Variants in SPRY4 observed in about 807,000 individuals in gnomAD.
SPRY4 encodes the protein sprouty RTK signaling antagonist 4.
SPRY4 carries 7 observed loss-of-function variants against 17.0 expected under a neutral mutation model. The ratio of observed to expected loss-of-function variants is 0.41; its 90% CI spans 0.23 to 0.77. The LOEUF (loss-of-function observed/expected upper bound fraction) is 0.77. Ranked by LOEUF, SPRY4 falls within the 30% of genes least tolerant of loss-of-function variation. The pLI is 0.32. For missense variants in SPRY4, 435 were observed against 419.9 expected, an observed-to-expected ratio of 1.04 and a Z score of -0.31; for synonymous variants, 183 against 174.1, an observed-to-expected ratio of 1.05 and a Z score of -0.40.
At chr5:142,316,946 T>A (rs1759173714) in intron 1 of SPRY4, 1 of 973,564 alleles carries the variant, frequency 1.0e-6, no homozygotes, top group Non-Finnish European at 1.2e-6. Flanking sequence ...TTACACGCCT[T>A]GTTTTTCCTG....
chr5:142,320,782 C>T (rs1759320198), intron 1 of SPRY4, among the ~76,000 whole-genome samples: 1 of 152,162 alleles, frequency 6.6e-6, no homozygotes, highest in African/African-American at 2.4e-5. Context: ...TATTTGTCTT[C>T]TTACCCTCCA....
rs1342354588 is a variant in SPRY4 at position 142,310,499 on chromosome 5, CTTGT to C, written c.*3706_*3709del. 6.6e-6 allele frequency: 1 copy of C among 152,516 alleles called. No individual in the cohort carries two copies. Among genetic ancestry groups the C allele is most frequent in the Admixed American group, 6.6e-5 (1 of 15,264 alleles). 9.4% of individuals were successfully genotyped at this position (152,516 alleles called of 1,614,324 possible). ...CTAAATCAGTACATTCAGTTTTTAA[CTTGT>C]TTTTTTCTTCACAAACAGAAGAACT... is the stretch of plus-strand genomic sequence containing the variant. On this transcript the variant is annotated 3_prime_UTR_variant, in exon 2 of 2. Transcript: ENST00000434127.
rs1009650743 is a variant in SPRY4 at position 142,318,180 on chromosome 5, A to G, written c.-47-3025T>C. 1.4e-5 allele frequency: 14 copies of G among 984,422 alleles called. No individual in the cohort carries two copies. In the East Asian group the frequency reaches 6.8e-4, roughly 48 times the overall value. The allele number at this position is 984,422 out of a possible 1,614,324, so 61.0% of individuals were successfully genotyped here. On this transcript the variant is annotated intron_variant, in intron 1 of 1. Coordinates refer to ENST00000434127, the MANE Select transcript of SPRY4 (RefSeq NM_001127496.3). Reference sequence around the variant, plus strand: ...TAAATGATGTCTCAAAAAAAAAAAGAAAGAAAAAAAGAAAAGAAAGAAGGC... The same window carrying G: ...TAAATGATGTCTCAAAAAAAAAAAGGAAGAAAAAAAGAAAAGAAAGAAGGC...
rs775369538 is a variant in SPRY4, at chr5:142,315,130, T to C, written c.-22A>G. 1.2e-6 allele frequency: 2 copies of C among 1,600,648 alleles called. No homozygotes were observed. Among genetic ancestry groups the C allele is most frequent in the Non-Finnish European group, 1.7e-6 (2 of 1,177,582 alleles). On this transcript the variant is annotated 5_prime_UTR_variant, in exon 2 of 2. Coordinates refer to ENST00000434127, the MANE Select transcript of SPRY4 (RefSeq NM_001127496.3). ...CCATGGGGCTGGAGGTCCTGGACTG[T>C]ACGGAGAAACAGGCTTCTAGGGGCC...
chr5:142,322,338 G>C (rs1759370123), intron 1 of SPRY4, among the ~76,000 whole-genome samples: 1 of 152,036 alleles, frequency 6.6e-6, no homozygotes, highest in African/African-American at 2.4e-5. Context: ...GGGTGTGGTG[G>C]CACACACCTG....
intron 1 of SPRY4, among the ~76,000 whole-genome samples, chr5:142,320,386 C>G (rs935235837): frequency 3.3e-5 from 5 of 151,618 alleles, no homozygotes; most frequent in Admixed American, 6.6e-5. Flanking sequence ...CACAATCTGT[C>G]AGAGATCACA....
At chr5:142,317,273 C>T (rs1458314718) in intron 1 of SPRY4, 1 of 985,442 alleles carries the variant, frequency 1.0e-6, no homozygotes, top group Non-Finnish European at 1.2e-6. Context: ...CAAAGCCTTG[C>T]TTCTAGAATA....
intron 1 of SPRY4, among the ~76,000 whole-genome samples, chr5:142,319,235 G>A (rs1469064382): frequency 6.6e-6 from 1 of 152,156 alleles, no homozygotes; most frequent in Non-Finnish European, 1.5e-5. Context: ...GCTCTGCAAT[G>A]CAACCAACAG....
intron 1 of SPRY4, chr5:142,318,253 G>T: frequency 2.3e-6 from 2 of 881,040 alleles, no homozygotes; most frequent in Non-Finnish European, 2.7e-6. Context: ...GGGAGGCCAA[G>T]GTAGGCAGAT....
chr5:142,321,687 T>G (rs573176957), intron 1 of SPRY4, among the ~76,000 whole-genome samples: 1 of 152,354 alleles, frequency 6.6e-6, no homozygotes, highest in East Asian at 1.9e-4. Context: ...AGAGGCCAGA[T>G]GACAAACACT....
Position 142,314,514 on chromosome 5 carries a change from A to G in SPRY4, c.595T>C (p.Cys199Arg). 1 of 1,614,190 alleles carries G rather than the reference A, an allele frequency of 6.2e-7. No homozygotes were observed. The highest frequency in any genetic ancestry group is 8.5e-7 in the Non-Finnish European group (1 of 1,180,024). The change falls in exon 2 of 2, where the codon TGC becomes CGC. Residue 199 changes from cysteine (C) to arginine (R), a missense_variant. Coordinates refer to ENST00000434127, the MANE Select transcript of SPRY4 (RefSeq NM_001127496.3). This position sits in a 1 kb window ranked among gnomAD's most constrained non-coding sequence, Gnocchi z 4.8. ...SAQTLVNYGT[C>R]MCLVQGIFYH... ...AAGATGCCCTGCACCAAACACATGCACGTGCCATAGTTGACCAGAGTCTGG... is the reference window on the plus strand; with the variant it reads ...AAGATGCCCTGCACCAAACACATGCGCGTGCCATAGTTGACCAGAGTCTGG...
intron 1 of SPRY4, chr5:142,318,052 C>T: frequency 1.0e-6 from 1 of 985,384 alleles, no homozygotes; most frequent in Non-Finnish European, 1.2e-6. Context: ...GCTGGCCTCA[C>T]CCCTCACCAG....
intron 1 of SPRY4, among the ~76,000 whole-genome samples, chr5:142,322,657 G>T (rs973609336): frequency 2.0e-5 from 3 of 152,034 alleles, no homozygotes; most frequent in Middle Eastern, 3.2e-3. Flanking sequence ...AGCTGGGCAG[G>T]AGGGCTAAGG....
At position 142,314,548 on chromosome 5, in the gene SPRY4, C is replaced by T; in HGVS notation, c.561G>A (p.Leu187=). The part of the protein sequence containing the change: ...PSCWVCNQEC[L]CSAQTLVNYG... ...AGTTGACCAGAGTCTGGGCTGAGCA[C>T]AGGCACTCCTGGTTGCAGACCCAGC... Residue 187 remains leucine, a synonymous_variant, in exon 2 of 2, where the codon CTG becomes CTA. Transcript: ENST00000434127. The surrounding 1 kb of genome is among the most constrained non-coding windows in gnomAD (Gnocchi z 4.8). The T allele has an allele frequency of 6.2e-7, 1 of 1,614,252 alleles. No individual in the cohort carries two copies. The highest frequency in any genetic ancestry group is 8.5e-7 in the Non-Finnish European group (1 of 1,180,038).
In SPRY4 at chr5:142,314,362, G is replaced by C; in HGVS notation, c.747C>G (p.Leu249=). 6.2e-7 allele frequency: 1 copy of C among 1,614,074 alleles called. No individual in the cohort carries two copies. Among genetic ancestry groups the C allele is most frequent in the Non-Finnish European group, 8.5e-7 (1 of 1,179,990 alleles). Residue 249 remains leucine, a synonymous_variant, in exon 2 of 2, where the codon CTC becomes CTG. Coordinates refer to ENST00000434127, the MANE Select transcript of SPRY4 (RefSeq NM_001127496.3). This position sits in a 1 kb window ranked among gnomAD's most constrained non-coding sequence, Gnocchi z 4.8. ...CGCAGCCGGTGGCAGGCAGGTAGCAGAGCAGGCAGGGCAGCACCACGGAGA... is the reference window on the plus strand; with the variant it reads ...CGCAGCCGGTGGCAGGCAGGTAGCACAGCAGGCAGGGCAGCACCACGGAGA... The part of the protein sequence containing the change: ...GALSVVLPCL[L]CYLPATGCVK...
chr5:142,316,159 C>T (rs1223423008), intron 1 of SPRY4, among the ~76,000 whole-genome samples: 1 of 152,096 alleles, frequency 6.6e-6, no homozygotes, highest in Non-Finnish European at 1.5e-5. Flanking sequence ...AGCCTAAATG[C>T]TATTTACTAG....
At chr5:142,321,165 G>A (rs990212763) in intron 1 of SPRY4, among the ~76,000 whole-genome samples, 15 of 152,054 alleles carry the variant, frequency 9.9e-5, no homozygotes, top group Non-Finnish European at 1.9e-4. Flanking sequence ...CTTACATCAC[G>A]CAACACCCCA....
intron 1 of SPRY4, among the ~76,000 whole-genome samples, chr5:142,322,096 G>C (rs1216117747): frequency 6.6e-6 from 1 of 152,230 alleles, no homozygotes; most frequent in African/African-American, 2.4e-5. Context: ...ACCAAAGTTG[G>C]GGCTGGGGTC....
At chr5:142,315,985 G>A (rs1759137513) in intron 1 of SPRY4, among the ~76,000 whole-genome samples, 1 of 152,142 alleles carries the variant, frequency 6.6e-6, no homozygotes, top group Admixed American at 6.5e-5. Flanking sequence ...GGCTGTATCT[G>A]ATGCCTGCAC....
Sources: gnomAD v4.1 joint callset for allele counts (sites outside exome capture counted in the v4.1 genomes callset) on GRCh38, gnomAD v4.1.1 for gene constraint, Gnocchi (gnomAD v3.1) non-coding constraint, MANE v1.5 for transcripts, NCBI Gene and HGNC (gene_info 2026-07-23, HGNC 2026-07-21) for gene names.